ZNF609: variants seen among roughly 807,000 people sequenced by gnomAD.
ZNF609 encodes the protein zinc finger protein 609.
ZNF609 carries 11 observed loss-of-function variants against 109.5 expected under a neutral mutation model. That is an observed-to-expected ratio of 0.10 (90% CI 0.06 to 0.17). ZNF609 has a LOEUF of 0.17. Among genes scored for constraint, ZNF609 ranks in the 10% least tolerant of loss-of-function variants. The pLI is 1.00. For synonymous variants in ZNF609, 646 were observed against 662.0 expected (o/e 0.98, Z 0.37); for missense variants, 1,559 against 1,772.4 (o/e 0.88, Z 2.16).
chr15:64,649,639 C>A (rs372664086), intron 3 of ZNF609, among the ~76,000 whole-genome samples: 32 of 152,174 alleles, frequency 2.1e-4, no homozygotes, highest in African/African-American at 7.2e-4. Flanking sequence ...TTACTGAGTA[C>A]CTGCTAAGTA....
At chr15:64,518,461 A>T (rs576463261) in intron 2 of ZNF609, among the ~76,000 whole-genome samples, 2 of 152,336 alleles carry the variant, frequency 1.3e-5, no homozygotes, top group African/African-American at 4.8e-5. Flanking sequence ...ATGGGGTCAG[A>T]TAGTAGAAGG....
At chr15:64,617,688 G>A (rs1016267156) in intron 2 of ZNF609, among the ~76,000 whole-genome samples, 2 of 152,300 alleles carry the variant, frequency 1.3e-5, no homozygotes, top group Admixed American at 6.5e-5. Context: ...GCTGAGGTAG[G>A]AGAATCGCCT....
At chr15:64,546,352 C>T (rs540041214) in intron 2 of ZNF609, among the ~76,000 whole-genome samples, 10 of 151,716 alleles carry the variant, frequency 6.6e-5, no homozygotes, top group East Asian at 1.9e-4. Context: ...TCAAGTGATC[C>T]TCCCACTTCA....
chr15:64,475,329 A>G (rs1442483978), intron 1 of ZNF609, among the ~76,000 whole-genome samples: 2 of 149,830 alleles, frequency 1.3e-5, no homozygotes, highest in East Asian at 2.0e-4. Flanking sequence ...AATTGATTTC[A>G]TCCTCCTCTT....
chr15:64,547,907 ATTGATT>A (rs1187563258), intron 2 of ZNF609, among the ~76,000 whole-genome samples: 2 of 152,134 alleles, frequency 1.3e-5, no homozygotes, highest in Non-Finnish European at 2.9e-5. Context: ...AGAGAAATAT[ATTGATT>A]TTAATACCCT....
intron 2 of ZNF609, chr15:64,529,218 G>T (rs1894018047): frequency 1.4e-6 from 1 of 725,592 alleles, no homozygotes; most frequent in African/African-American, 1.7e-5. Context: ...GGTGATGCAG[G>T]AGGCATTGCT....
At chr15:64,542,868 A>C (rs1319328176) in intron 2 of ZNF609, among the ~76,000 whole-genome samples, 1 of 152,120 alleles carries the variant, frequency 6.6e-6, no homozygotes, top group Non-Finnish European at 1.5e-5. Context: ...CATTCTCTAC[A>C]TTGCTGCCAG....
At chr15:64,616,331 C>A (rs146733412) in intron 2 of ZNF609, among the ~76,000 whole-genome samples, 1 of 151,632 alleles carries the variant, frequency 6.6e-6, no homozygotes, top group Non-Finnish European at 1.5e-5. Context: ...ATGTTGCAGC[C>A]ATGAAGATTT....
intron 1 of ZNF609, among the ~76,000 whole-genome samples, chr15:64,487,965 A>G (rs1893355689): frequency 6.6e-6 from 1 of 152,188 alleles, no homozygotes; most frequent in African/African-American, 2.4e-5. Flanking sequence ...TGACACTTGG[A>G]TGGTTTAAGT....
At chr15:64,643,183 C>T (rs202154542) in intron 3 of ZNF609, among the ~76,000 whole-genome samples, 2 of 152,202 alleles carry the variant, frequency 1.3e-5, no homozygotes, top group East Asian at 3.8e-4. Context: ...TCCATACCAG[C>T]CTTCCTCACA....
intron 3 of ZNF609, among the ~76,000 whole-genome samples, chr15:64,636,700 G>A (rs1045300346): frequency 2.0e-5 from 3 of 152,170 alleles, no homozygotes; most frequent in African/African-American, 7.2e-5. Context: ...TGAAGAAAGC[G>A]AAACCCTCCC....
chr15:64,499,594 A>G lies in ZNF609; in HGVS notation c.175A>G (p.Ile59Val). Reference protein sequence around the residue: ...LEMSGSKEVGIPAPNAVATLP... With the variant: ...LEMSGSKEVGVPAPNAVATLP... ...AATGTCAGGCTCAAAGGAGGTGGGG[A>G]TACCGGCTCCCAATGCTGTGGCCAC... The change falls in exon 2 of 10, where the codon ATA (isoleucine) becomes GTA (valine). Residue 59 changes from isoleucine to valine, a missense_variant. Coordinates refer to ENST00000326648, the MANE Select transcript of ZNF609 (RefSeq NM_015042.2). 6.2e-7 allele frequency: 1 copy of G among 1,614,188 alleles called. No homozygotes were observed.
At chr15:64,493,107 A>G (rs1379763819) in intron 1 of ZNF609, among the ~76,000 whole-genome samples, 12 of 152,210 alleles carry the variant, frequency 7.9e-5, no homozygotes, top group Non-Finnish European at 2.9e-5. Flanking sequence ...TTTACTGCTT[A>G]TACTGGATTA....
intron 3 of ZNF609, among the ~76,000 whole-genome samples, chr15:64,627,663 CTTT>C (rs35293725): frequency 1.2e-5 from 1 of 86,014 alleles, no homozygotes; most frequent in African/African-American, 4.3e-5. Context: ...TTTTTTCTTT[CTTT>C]TTTTTTTTTT....
intron 3 of ZNF609, among the ~76,000 whole-genome samples, chr15:64,655,071 G>A (rs1479610818): frequency 9.3e-5 from 14 of 150,536 alleles, no homozygotes; most frequent in Non-Finnish European, 1.0e-4. Context: ...GGTCCAGCCT[G>A]GGTGACAGAA....
intron 2 of ZNF609, among the ~76,000 whole-genome samples, chr15:64,580,556 C>CTT (rs66976954): frequency 0.027 from 3,888 of 144,196 alleles, 79 homozygotes; most frequent in Non-Finnish European, 0.043. Flanking sequence ...CTTTTCTTTT[C>CTT]TTTTTTTTTT....
chr15:64,678,051 C>A, intron 5 of ZNF609, 65 bp from the exon 6 acceptor site: 1 of 1,550,630 alleles, frequency 6.4e-7, no homozygotes. Context: ...CTACTGGGAC[C>A]TTGGGCTTGA....
chr15:64,651,547 C>T (rs932956021), intron 3 of ZNF609, among the ~76,000 whole-genome samples: 1 of 152,164 alleles, frequency 6.6e-6, no homozygotes, highest in African/African-American at 2.4e-5. Flanking sequence ...AACTAGGAAA[C>T]CAGGTAACTG....
chr15:64,467,506 A>C (rs184434052), intron 1 of ZNF609, among the ~76,000 whole-genome samples: 1 of 152,252 alleles, frequency 6.6e-6, no homozygotes, highest in African/African-American at 2.4e-5. Context: ...TGATGAAAAC[A>C]CAGGACATAA....
Sources: gnomAD v4.1 joint callset for allele counts (sites outside exome capture counted in the v4.1 genomes callset) on GRCh38, gnomAD v4.1.1 for gene constraint, MANE v1.5 for transcripts, NCBI Gene and HGNC (gene_info 2026-07-23, HGNC 2026-07-21) for gene names.